Variants in TRPM4 observed in about 807,000 individuals in gnomAD.
TRPM4 encodes the protein transient receptor potential cation channel subfamily M member 4, also known as calcium-activated non-selective cation channel 1.
TRPM4 carries 124 observed loss-of-function variants against 135.6 expected under a neutral mutation model. The ratio of observed to expected loss-of-function variants is 0.91; its 90% CI spans 0.79 to 1.06. TRPM4 has a LOEUF of 1.06. TRPM4 is among the 50% of genes least tolerant of loss of function. The probability of loss-of-function intolerance (pLI) is 0.00; values close to 1 mark genes in which losing one functional copy is unlikely to be tolerated. For synonymous variants in TRPM4, 745 were observed against 705.6 expected, an observed-to-expected ratio of 1.06 and a Z score of -0.88; for missense variants, 1,658 against 1,671.4, an observed-to-expected ratio of 0.99 and a Z score of 0.14.
In TRPM4 at chr19:49,190,680, C is replaced by G; in HGVS notation, c.2133-16C>G. 1 of 1,613,686 alleles carries G rather than the reference C, an allele frequency of 6.2e-7. No homozygotes were observed. On this transcript the variant is annotated splice_polypyrimidine_tract_variant and intron_variant, in intron 15 of 24. Coordinates refer to ENST00000252826, the MANE Select transcript of TRPM4 (RefSeq NM_017636.4). The stretch of plus-strand genomic sequence containing the variant: ...TCTTCCCCTCATTTCTTGCTCTGTG[C>G]TTCCCCCCTTGCTAGGAAATCAGAA...
intron 20 of TRPM4, among the ~76,000 whole-genome samples, chr19:49,205,104 A>G (rs7252324): frequency 0.061 from 9,197 of 151,236 alleles, 840 homozygotes; most frequent in African/African-American, 0.19. Flanking sequence ...TTATAGGCAC[A>G]AGCCCCTGTG....
rs373566236 is a variant in TRPM4 at position 49,168,525 on chromosome 19, C to T, written c.613-28C>T. Reference sequence around the variant, plus strand: ...TGTCCTTCTGGCCCCGATGAGGAGACGCCCTGGTCTGGCCATTTTTCCCCT... The same window carrying T: ...TGTCCTTCTGGCCCCGATGAGGAGATGCCCTGGTCTGGCCATTTTTCCCCT... On this transcript the variant is annotated intron_variant, in intron 5 of 24. Transcript: ENST00000252826. 2.8e-5 allele frequency: 45 copies of T among 1,613,672 alleles called. 1 individual carries two copies. The highest frequency in any genetic ancestry group is 2.0e-4 in the African/African-American group (15 of 74,884).
At position 49,175,067 on chromosome 19, in the gene TRPM4, C is replaced by CTTTTTT. The variant is rs772062913; in HGVS notation, c.1150+2979_1150+2984dup. On this transcript the variant is annotated intron_variant, in intron 9 of 24. Transcript: ENST00000252826. The stretch of plus-strand genomic sequence containing the variant: ...CACAGGCATGTGCCATCATGCCTGG[C>CTTTTTT]TTTTTTTTTTTTTTTTTTTTTTTTT... 3.4e-3 allele frequency among the ~76,000 whole-genome samples: 267 copies of CTTTTTT among 77,576 alleles called. 27 individuals carry two copies. Among genetic ancestry groups the CTTTTTT allele is most frequent in the African/African-American group, 0.014 (194 of 13,522 alleles). The allele number at this position is 77,576 out of a possible 152,430, so 50.9% of individuals were successfully genotyped here. A position where few individuals can be genotyped will look rare whatever the true frequency, so the allele number is the denominator to read the frequency against.
chr19:49,210,352 T>G lies in TRPM4; in HGVS notation c.3275T>G (p.Leu1092Trp), dbSNP rs772174086. The G allele has an allele frequency of 3.1e-6, 5 of 1,613,990 alleles. No homozygotes were observed. The highest frequency in any genetic ancestry group is 1.3e-5 in the African/African-American group (1 of 74,918). The change falls in exon 21 of 25, where the codon TTG (leucine) becomes TGG (tryptophan). Residue 1092 changes from leucine (L) to tryptophan (W), a missense_variant. Physicochemically the swap from Leu to Trp is moderately conservative, Grantham distance 61. This residue lies in a region of TRPM4 where 1,412 missense variants were observed against 1,408.7 expected (regional missense o/e 1.00). Coordinates refer to ENST00000252826, the MANE Select transcript of TRPM4 (RefSeq NM_017636.4). The surrounding 1 kb of genome is among the most constrained non-coding windows in gnomAD (Gnocchi z 4.1). Reference protein sequence around the residue: ...ISHLRLLLRQLCRRPRSPQPS... With the variant: ...ISHLRLLLRQWCRRPRSPQPS... The stretch of plus-strand genomic sequence containing the variant: ...CACTTGCGCCTCCTGCTCAGGCAAT[T>G]GTGCAGGCGACCCCGGAGCCCCCAG...
In TRPM4 at chr19:49,176,576, C is replaced by T. The variant is rs533510653; in HGVS notation, c.1150+4468C>T. On this transcript the variant is annotated intron_variant, in intron 9 of 24. Coordinates refer to ENST00000252826, the MANE Select transcript of TRPM4 (RefSeq NM_017636.4). The stretch of plus-strand genomic sequence containing the variant: ...ACTGAATTTAAATACCAGCTTGGGC[C>T]GGGTACAGTGGCTCACGCCTATAAT... Among the ~76,000 whole-genome samples, 85 of 152,224 alleles carry T rather than the reference C, an allele frequency of 5.6e-4. 1 individual carries two copies. The highest frequency in any genetic ancestry group is 4.6e-3 in the Admixed American group (70 of 15,276).
chr19:49,186,240 C>T (rs919382821), intron 12 of TRPM4, among the ~76,000 whole-genome samples: 2 of 152,208 alleles, frequency 1.3e-5, no homozygotes, highest in Non-Finnish European at 2.9e-5. Flanking sequence ...GCATGAGCGA[C>T]GCCCACCGTG....
intron 20 of TRPM4, among the ~76,000 whole-genome samples, chr19:49,202,727 T>C (rs114224043): frequency 0.033 from 5,089 of 151,970 alleles, 312 homozygotes; most frequent in African/African-American, 0.12. Context: ...GTAGTAGAGA[T>C]AGGGTTTCAC....
rs35727661 is a variant in TRPM4 at position 49,181,530 on chromosome 19, C to CTTTTTT, written c.1263+85_1263+90dup. On this transcript the variant is annotated intron_variant, in intron 10 of 24. Coordinates refer to ENST00000252826, the MANE Select transcript of TRPM4 (RefSeq NM_017636.4). The stretch of plus-strand genomic sequence containing the variant: ...CTGTGCTGTCCTCCCTCTCTGCCTT[C>CTTTTTT]TTTTTTTTTTTTTTTTTTTTTGACG... 106 of 518,720 alleles carry CTTTTTT rather than the reference C, an allele frequency of 2.0e-4. 1 individual carries two copies. Among genetic ancestry groups the CTTTTTT allele is most frequent in the African/African-American group, 1.5e-3 (54 of 36,264 alleles). The allele number at this position is 518,720 out of a possible 1,614,324, so 32.1% of individuals were successfully genotyped here. A position where few individuals can be genotyped will look rare whatever the true frequency, so the allele number is the denominator to read the frequency against.
chr19:49,182,898 C>T lies in TRPM4; in HGVS notation c.1584C>T (p.His528=). ...CCTCCGGGGGCGCCTGGGACCCTCA[C>T]CCAGGCCAGGGCTTCGGGGAGAGCG... ...RYPSGGAWDP[H]PGQGFGESMY... Residue 528 remains histidine (H), a synonymous_variant, in exon 11 of 25, where the codon CAC becomes CAT. Coordinates refer to ENST00000252826, the MANE Select transcript of TRPM4 (RefSeq NM_017636.4). 1 of 1,599,004 alleles carries T rather than the reference C, an allele frequency of 6.3e-7. No individual in the cohort carries two copies.
At chr19:49,196,114 T>C (rs1207389541) in intron 16 of TRPM4, among the ~76,000 whole-genome samples, 1 of 151,784 alleles carries the variant, frequency 6.6e-6, no homozygotes, top group Non-Finnish European at 1.5e-5. Context: ...CCGCCTTAAC[T>C]CCCAAAGTGC....
intron 2 of TRPM4, chr19:49,158,488 C>T (rs1286971487): frequency 3.5e-6 from 2 of 571,242 alleles, no homozygotes; most frequent in Non-Finnish European, 6.3e-6. Flanking sequence ...CTCCAGGGCT[C>T]GGTTCTGCTT....
At chr19:49,193,301 T>G (rs1968483693) in intron 16 of TRPM4, among the ~76,000 whole-genome samples, 1 of 152,182 alleles carries the variant, frequency 6.6e-6, no homozygotes, top group Non-Finnish European at 1.5e-5. Flanking sequence ...CAGGATGGTC[T>G]CGATCTCCTG....
chr19:49,181,530 CTTTTTTTT>C (rs35727661), intron 10 of TRPM4, 69 bp downstream of exon 10: 31 of 518,784 alleles, frequency 6.0e-5, no homozygotes, highest in Admixed American at 1.1e-4. Context: ...TCTCTGCCTT[CTTTTTTTT>C]TTTTTTTTTT....
chr19:49,166,315 C>T (rs1427856678), intron 3 of TRPM4, 100 bp downstream of exon 3: 19 of 1,274,076 alleles, frequency 1.5e-5, no homozygotes, highest in South Asian at 1.3e-4. Flanking sequence ...CTGGCCCCTC[C>T]GCCCATCCCT....
In TRPM4 at chr19:49,163,661, A is replaced by G. The variant is rs186545199; in HGVS notation, c.93-2380A>G. On this transcript the variant is annotated intron_variant, in intron 2 of 24. Transcript: ENST00000252826. The stretch of plus-strand genomic sequence containing the variant: ...CGTGCACCACCACACCTGGCTAATT[A>G]AAACAATTTTTTTTGTAGGGATGGG... Among the ~76,000 whole-genome samples, 22 of 152,032 alleles carry G rather than the reference A, an allele frequency of 1.4e-4. No homozygotes were observed. In the East Asian group the frequency reaches 4.1e-3, roughly 28 times the overall value.
At chr19:49,167,051 A>T (rs142770835) in intron 3 of TRPM4, among the ~76,000 whole-genome samples, 1,525 of 44,544 alleles carry the variant, frequency 0.034, 22 homozygotes, top group Middle Eastern at 0.1. Context: ...TTTCCCCTTT[A>T]CTCTGGGTTT....
intron 9 of TRPM4, among the ~76,000 whole-genome samples, chr19:49,174,882 T>C (rs1363968353): frequency 6.7e-6 from 1 of 150,294 alleles, no homozygotes; most frequent in African/African-American, 2.5e-5. Flanking sequence ...GTGGGGAGGG[T>C]CATTTTTGGT....
chr19:49,210,375 C>T lies in TRPM4; in HGVS notation c.3298C>T (p.Gln1100Ter), dbSNP rs1324635536. ...ATTGTGCAGGCGACCCCGGAGCCCCCAGCCGTCCTCCCCGGCCCTCGAGCA... is the reference window on the plus strand; with the variant it reads ...ATTGTGCAGGCGACCCCGGAGCCCCTAGCCGTCCTCCCCGGCCCTCGAGCA... ...RQLCRRPRSPQPSSPALEHFR... is the reference protein window; with the variant it reads ...RQLCRRPRSP The change falls in exon 21 of 25, where the codon CAG becomes TAG. Residue 1100 changes from glutamine (Q) to a stop codon, truncating the protein, a stop_gained. Coordinates refer to ENST00000252826, the MANE Select transcript of TRPM4 (RefSeq NM_017636.4). LOFTEE classifies it high-confidence loss of function. This position sits in a 1 kb window ranked among gnomAD's most constrained non-coding sequence, Gnocchi z 4.1. 5.6e-6 allele frequency: 9 copies of T among 1,614,060 alleles called. No homozygotes were observed. The highest frequency in any genetic ancestry group is 7.6e-6 in the Non-Finnish European group (9 of 1,180,050).
chr19:49,209,005 C>G (rs1168276934), intron 20 of TRPM4, among the ~76,000 whole-genome samples: 1 of 151,368 alleles, frequency 6.6e-6, no homozygotes, highest in African/African-American at 2.4e-5. Flanking sequence ...TTGTCAAATG[C>G]CTTTTCTGTG....
Sources: gnomAD v4.1 joint callset for allele counts (sites outside exome capture counted in the v4.1 genomes callset) on GRCh38, gnomAD v4.1.1 for gene constraint, gnomAD v4.1.1 regional missense constraint, Gnocchi (gnomAD v3.1) non-coding constraint, MANE v1.5 for transcripts, NCBI Gene and HGNC (gene_info 2026-07-23, HGNC 2026-07-21) for gene names.